Variants in PPP1R16A observed in about 807,000 individuals in gnomAD.
PPP1R16A encodes the protein protein phosphatase 1 regulatory subunit 16A, also known as myosin phosphatase-targeting subunit 3.
In PPP1R16A, 39 loss-of-function variants were observed where a neutral mutation model predicts 46.6. The ratio of observed to expected loss-of-function variants is 0.84; its 90% CI spans 0.65 to 1.09. The LOEUF is 1.09. Among genes scored for constraint, PPP1R16A ranks in the 50% least tolerant of loss-of-function variants. The pLI is 0.00. For missense variants in PPP1R16A, 798 were observed against 735.6 expected, an observed-to-expected ratio of 1.08 and a Z score of -0.98; for synonymous variants, 413 against 321.5, an observed-to-expected ratio of 1.28 and a Z score of -3.04.
Position 144,500,350 on chromosome 8 carries a change from G to C in PPP1R16A, c.664G>C (p.Gly222Arg). Residue 222 changes from glycine (G) to arginine (R), a missense_variant, in exon 7 of 12, where the codon GGG becomes CGG. Coordinates refer to ENST00000435887, the MANE Select transcript of PPP1R16A (RefSeq NM_001329443.2). Reference protein sequence around the residue: ...LDDIRSRLQAGADLHAPLDHG... With the variant: ...LDDIRSRLQARADLHAPLDHG... ...CGACATCCGGAGCCGGCTGCAGGCC[G>C]GGGCAGACCTCCATGCCCCCCTGGA... 1 of 1,535,482 alleles carries C rather than the reference G, an allele frequency of 6.5e-7. No homozygotes were observed. Among genetic ancestry groups the C allele is most frequent in the Non-Finnish European group, 8.7e-7 (1 of 1,146,036 alleles).
Position 144,498,733 on chromosome 8 carries a change from G to A in PPP1R16A, c.260-37G>A, listed in dbSNP as rs201589740. On this transcript the variant is annotated intron_variant, in intron 3 of 11. Transcript: ENST00000435887. ...GCACAGTTGACAGGACCTGACCAGGGGCAGGACCCTGTCCTCACCTCGCCA... is the reference window on the plus strand; with the variant it reads ...GCACAGTTGACAGGACCTGACCAGGAGCAGGACCCTGTCCTCACCTCGCCA... 109 of 1,545,784 alleles carry A rather than the reference G, an allele frequency of 7.1e-5. No individual in the cohort carries two copies. In the East Asian group the frequency reaches 2.4e-3, roughly 35 times the overall value.
intron 2 of PPP1R16A, among the ~76,000 whole-genome samples, chr8:144,492,961 G>A (rs1196920964): frequency 5.9e-5 from 9 of 152,152 alleles, no homozygotes; most frequent in Admixed American, 3.9e-4. Context: ...AGTGACCGGG[G>A]CAGCTCTGGG....
At chr8:144,492,586 C>T (rs750551588) in intron 2 of PPP1R16A, among the ~76,000 whole-genome samples, 4 of 152,112 alleles carry the variant, frequency 2.6e-5, no homozygotes, top group Non-Finnish European at 5.9e-5. Context: ...CTGCCCACCT[C>T]GGCCTCCCAA....
At position 144,501,080 on chromosome 8, in the gene PPP1R16A, C is replaced by T. The variant is rs200594000; in HGVS notation, c.1038-49C>T. 7,689 of 1,585,204 alleles carry T rather than the reference C, an allele frequency of 4.9e-3. 19 individuals carry two copies. The highest frequency in any genetic ancestry group is 6.1e-3 in the Non-Finnish European group (7,095 of 1,169,454). On this transcript the variant is annotated intron_variant, in intron 10 of 11. Transcript: ENST00000435887. ...CAGAGTCCGAGGGGGTGGGCGGGGT[C>T]CTCCGGGCACTCCCCTTCCCCTCAC...
intron 1 of PPP1R16A, among the ~76,000 whole-genome samples, chr8:144,479,717 G>T (rs906466334): frequency 6.6e-6 from 1 of 152,142 alleles, no homozygotes; most frequent in Admixed American, 6.5e-5. Context: ...GCTCTTCCCC[G>T]AGCGTGTCCT....
Position 144,502,005 on chromosome 8 carries a change from C to A in PPP1R16A, c.*102C>A. ...TGCGGGTGCAGCACGGAAACCCCGG[C>A]TTCTACTGTACAGGACACTGGCCCC... On this transcript the variant is annotated 3_prime_UTR_variant, in exon 12 of 12. Coordinates refer to ENST00000435887, the MANE Select transcript of PPP1R16A (RefSeq NM_001329443.2). 2.4e-6 allele frequency: 3 copies of A among 1,232,332 alleles called. No homozygotes were observed. Among genetic ancestry groups the A allele is most frequent in the Non-Finnish European group, 3.3e-6 (3 of 914,082 alleles). The allele number at this position is 1,232,332 out of a possible 1,614,324, so 76.3% of individuals were successfully genotyped here.
intron 1 of PPP1R16A, among the ~76,000 whole-genome samples, chr8:144,487,342 T>C (rs1351211135): frequency 6.6e-6 from 1 of 152,042 alleles, no homozygotes; most frequent in Non-Finnish European, 1.5e-5. Context: ...TGTCTACACA[T>C]GTGTAGGTTT....
chr8:144,491,753 A>G (rs1406777747), intron 2 of PPP1R16A, among the ~76,000 whole-genome samples: 2 of 140,180 alleles, frequency 1.4e-5, no homozygotes, highest in African/African-American at 5.4e-5. Context: ...ATGGAGCGAG[A>G]CTCTGTTTCA....
chr8:144,492,730 C>T (rs752560998), intron 2 of PPP1R16A, among the ~76,000 whole-genome samples: 5 of 152,140 alleles, frequency 3.3e-5, no homozygotes, highest in African/African-American at 4.8e-5. Flanking sequence ...CCTTTCGCTC[C>T]GCCTGTAGAA....
intron 1 of PPP1R16A, among the ~76,000 whole-genome samples, chr8:144,481,060 T>A (rs1825395564): frequency 6.6e-6 from 1 of 151,456 alleles, no homozygotes; most frequent in Admixed American, 6.6e-5. Context: ...GGCTAATTTT[T>A]TGTATTTTTT....
intron 1 of PPP1R16A, among the ~76,000 whole-genome samples, chr8:144,486,905 G>A (rs1345481428): frequency 1.3e-5 from 2 of 152,116 alleles, no homozygotes; most frequent in Non-Finnish European, 1.5e-5. Context: ...TTTGCTTTTG[G>A]TGTCACCACT....
In PPP1R16A at chr8:144,501,187, G is replaced by T; in HGVS notation, c.1096G>T (p.Ala366Ser). The part of the protein sequence containing the change: ...QRTDLYRKQH[A>S]QEAIVWQQPP... The stretch of plus-strand genomic sequence containing the variant: ...CACCGACCTGTACCGCAAGCAGCAC[G>T]CCCAGGAGGCCATCGTGTGGCAACA... The change falls in exon 11 of 12, where the codon GCC becomes TCC. Residue 366 changes from alanine (A) to serine (S), a missense_variant. Transcript: ENST00000435887. 1 of 1,610,084 alleles carries T rather than the reference G, an allele frequency of 6.2e-7. No homozygotes were observed. The highest frequency in any genetic ancestry group is 8.5e-7 in the Non-Finnish European group (1 of 1,179,624).
At chr8:144,498,643 C>G in intron 3 of PPP1R16A, 127 bp from the exon 4 acceptor site, 1 of 908,656 alleles carries the variant, frequency 1.1e-6, no homozygotes, top group Non-Finnish European at 1.6e-6. Context: ...CACCCCTGGG[C>G]TCTGGTGTGC....
chr8:144,490,378 C>T (rs915975223), intron 2 of PPP1R16A, among the ~76,000 whole-genome samples, 166 bp downstream of exon 2: 2 of 152,152 alleles, frequency 1.3e-5, no homozygotes, highest in East Asian at 1.9e-4. Context: ...TGGTGGTGGG[C>T]GTCTGTAATC....
rs1416096965 is a variant in PPP1R16A, at chr8:144,493,168, G to A, written c.-735+2956G>A. On this transcript the variant is annotated intron_variant, in intron 2 of 11. Transcript: ENST00000435887. The surrounding 1 kb of genome is among the most constrained non-coding windows in gnomAD (Gnocchi z 4.3). ...TGTAGGCAGTGAGGGGACGGTGGGT[G>A]GGGGTCGGGGACAGTGCCCAGTATC... 6.6e-6 allele frequency among the ~76,000 whole-genome samples: 1 copy of A among 152,116 alleles called. No individual in the cohort carries two copies. Among genetic ancestry groups the A allele is most frequent in the Non-Finnish European group, 1.5e-5 (1 of 67,986 alleles).
intron 1 of PPP1R16A, among the ~76,000 whole-genome samples, chr8:144,489,656 G>C (rs955556150): frequency 1.2e-4 from 18 of 152,146 alleles, no homozygotes; most frequent in Non-Finnish European, 1.5e-5. Flanking sequence ...GATGCCTTCT[G>C]TGCTGACCTC....
intron 5 of PPP1R16A, chr8:144,499,662 C>T (rs761198589): frequency 2.5e-5 from 5 of 201,406 alleles, no homozygotes; most frequent in Non-Finnish European, 5.1e-5. Flanking sequence ...AGGCCTGCTC[C>T]TCCACTGCAC....
chr8:144,492,815 CTTTT>C (rs1479017191), intron 2 of PPP1R16A, among the ~76,000 whole-genome samples: 8 of 152,190 alleles, frequency 5.3e-5, no homozygotes, highest in African/African-American at 1.9e-4. Context: ...CCTTTCCTCT[CTTTT>C]CTTTCTTTGA....
intron 3 of PPP1R16A, 84 bp from the exon 4 acceptor site, chr8:144,498,686 C>A: frequency 7.3e-7 from 1 of 1,373,914 alleles, no homozygotes; most frequent in Non-Finnish European, 9.9e-7. Context: ...CTTCCTTGTC[C>A]TTCCCTGGGT....
Sources: allele counts gnomAD v4.1 joint callset (sites outside exome capture counted in the v4.1 genomes callset), GRCh38; gene constraint gnomAD v4.1.1; non-coding constraint Gnocchi (gnomAD v3.1); transcripts MANE v1.5; gene names NCBI Gene and HGNC (gene_info 2026-07-23, HGNC 2026-07-21).